PTPRD: variants seen among roughly 807,000 people sequenced by gnomAD.
The protein encoded by PTPRD is protein tyrosine phosphatase receptor type D, also known as receptor-type tyrosine-protein phosphatase delta.
PTPRD carries 34 observed loss-of-function variants against 214.5 expected under a neutral mutation model. The observed-to-expected ratio is 0.16, with a 90% CI of 0.12 to 0.21. The LOEUF (loss-of-function observed/expected upper bound fraction) is 0.21, where lower values mean the gene tolerates loss of function less well. Among genes scored for constraint, PTPRD ranks in the 10% least tolerant of loss-of-function variants. The pLI is 1.00. For missense variants in PTPRD, 2,545 were observed against 2,398.7 expected (o/e 1.06, Z -1.27); for synonymous variants, 1,128 against 845.7 (o/e 1.33, Z -5.79).
At chr9:9,409,118 T>C (rs2074522573) in intron 8 of PTPRD, among the ~76,000 whole-genome samples, 1 of 152,002 alleles carries the variant, frequency 6.6e-6, no homozygotes, top group African/African-American at 2.4e-5. Context: ...AATATTCTCA[T>C]ATTATGCTTT....
At position 9,966,452 on chromosome 9, in the gene PTPRD, A is replaced by G. The variant is rs1372270062; in HGVS notation, c.-471-27842T>C. On this transcript the variant is annotated intron_variant, in intron 4 of 45. Coordinates refer to ENST00000381196, the MANE Select transcript of PTPRD (RefSeq NM_002839.4). ...AGCAAGGAGGTACCTTATCAGTAAAAGCTCTTGCTTCCATTGTAGAGCTAA... is the reference window on the plus strand; with the variant it reads ...AGCAAGGAGGTACCTTATCAGTAAAGGCTCTTGCTTCCATTGTAGAGCTAA... Among the ~76,000 whole-genome samples, 3 of 152,152 alleles carry G rather than the reference A, an allele frequency of 2.0e-5. No individual in the cohort carries two copies. The South Asian group carries it at 6.2e-4, about 32-fold the overall frequency.
chr9:10,394,174 A>G (rs889501315), intron 2 of PTPRD, among the ~76,000 whole-genome samples: 33 of 145,314 alleles, frequency 2.3e-4, no homozygotes, highest in African/African-American at 8.2e-4. Flanking sequence ...ATATACATAT[A>G]TATCTATATA....
chr9:9,413,100 CTTTTTTTTTTT>C (rs5896325), intron 8 of PTPRD, among the ~76,000 whole-genome samples: 4 of 63,026 alleles, frequency 6.3e-5, no homozygotes, highest in Admixed American at 3.0e-4. Context: ...CTTGCAGCTT[CTTTTTTTTTTT>C]TTTTTTTTTT....
intron 4 of PTPRD, among the ~76,000 whole-genome samples, chr9:10,004,351 A>T (rs2096415450): frequency 6.6e-6 from 1 of 151,980 alleles, no homozygotes; most frequent in Non-Finnish European, 1.5e-5. Flanking sequence ...AGTCATTTCA[A>T]AAAACTATTT....
At chr9:8,900,714 A>T (rs1048764456) in intron 11 of PTPRD, among the ~76,000 whole-genome samples, 2 of 152,202 alleles carry the variant, frequency 1.3e-5, no homozygotes, top group Non-Finnish European at 2.9e-5. Context: ...GCTGAGAAAG[A>T]CAGTCTTGTT....
chr9:8,811,629 CT>C (rs575790950), intron 11 of PTPRD, among the ~76,000 whole-genome samples: 99 of 148,484 alleles, frequency 6.7e-4, no homozygotes, highest in African/African-American at 1.2e-3. Context: ...CAAAGATGAA[CT>C]TTTTTTTTTT....
At chr9:9,651,291 A>G (rs1302061738) in intron 7 of PTPRD, among the ~76,000 whole-genome samples, 1 of 152,284 alleles carries the variant, frequency 6.6e-6, no homozygotes, top group East Asian at 1.9e-4. Context: ...TTTGTTACAT[A>G]GGCAAACTTG....
chr9:10,409,398 G>A (rs969595000), intron 2 of PTPRD, among the ~76,000 whole-genome samples: 2 of 151,470 alleles, frequency 1.3e-5, no homozygotes, highest in Non-Finnish European at 3.0e-5. Context: ...TCATATTATG[G>A]TCATACTAAT....
At chr9:9,048,949 C>A (rs1047227234) in intron 10 of PTPRD, among the ~76,000 whole-genome samples, 1 of 151,978 alleles carries the variant, frequency 6.6e-6, no homozygotes, top group African/African-American at 2.4e-5. Context: ...CTACTATGTA[C>A]CCAGAAAATT....
intron 14 of PTPRD, among the ~76,000 whole-genome samples, chr9:8,587,048 G>A (rs1315289398): frequency 6.6e-6 from 1 of 152,124 alleles, no homozygotes; most frequent in African/African-American, 2.4e-5. Flanking sequence ...TACTCGGGAG[G>A]CTGAGGCAGG....
At chr9:9,586,310 T>C (rs2091943703) in intron 7 of PTPRD, among the ~76,000 whole-genome samples, 1 of 152,032 alleles carries the variant, frequency 6.6e-6, no homozygotes, top group African/African-American at 2.4e-5. Flanking sequence ...AAGAAGAGTA[T>C]AATGTTTGAC....
At chr9:8,648,493 T>C (rs1443371310) in intron 12 of PTPRD, among the ~76,000 whole-genome samples, 1 of 152,236 alleles carries the variant, frequency 6.6e-6, no homozygotes, top group Non-Finnish European at 1.5e-5. Flanking sequence ...CCTTATGCCA[T>C]AGTCATGCAT....
chr9:8,934,291 C>G (rs1051974224), intron 11 of PTPRD, among the ~76,000 whole-genome samples: 5 of 148,850 alleles, frequency 3.4e-5, no homozygotes, highest in African/African-American at 1.2e-4. Flanking sequence ...AAATTCAGTT[C>G]CAACTTGAAC....
rs775281391 is a variant in PTPRD at position 8,517,869 on chromosome 9, G to C, written c.1522C>G (p.Gln508Glu). 6.8e-6 allele frequency: 11 copies of C among 1,613,572 alleles called. No individual in the cohort carries two copies. The African/African-American group carries it at 9.3e-5, about 14-fold the overall frequency. The change falls in exon 21 of 46, where the codon CAA becomes GAA. Residue 508 changes from glutamine to glutamate, a missense_variant. Transcript: ENST00000381196. ...IGDGPLSSDI[Q>E]VITQTGVPGQ... ...TTACCTCCTGTCTGAGTGATGACTT[G>C]TATGTCACTTGAAAGGGGACCATCT...
At chr9:8,346,807 G>A (rs1248508393) in intron 39 of PTPRD, among the ~76,000 whole-genome samples, 1 of 152,140 alleles carries the variant, frequency 6.6e-6, no homozygotes, top group Admixed American at 6.6e-5. Context: ...GAAAGAAAGA[G>A]AAATCGTATG....
At chr9:9,661,696 G>A (rs2154380336) in intron 7 of PTPRD, among the ~76,000 whole-genome samples, 1 of 151,854 alleles carries the variant, frequency 6.6e-6, no homozygotes, top group South Asian at 2.1e-4. Flanking sequence ...CACTAGGTTT[G>A]ACATACAACA....
intron 3 of PTPRD, among the ~76,000 whole-genome samples, chr9:10,216,335 A>G (rs1459318363): frequency 6.6e-6 from 1 of 151,772 alleles, no homozygotes; most frequent in Non-Finnish European, 1.5e-5. Context: ...AAAAATATTG[A>G]TATTCTATTT....
intron 3 of PTPRD, among the ~76,000 whole-genome samples, chr9:10,085,967 A>C (rs1261716117): frequency 6.6e-6 from 1 of 151,794 alleles, no homozygotes; most frequent in Non-Finnish European, 1.5e-5. Flanking sequence ...AACAACATAA[A>C]ATCCTAGCAG....
intron 14 of PTPRD, among the ~76,000 whole-genome samples, chr9:8,551,178 C>T (rs1255595260): frequency 6.6e-6 from 1 of 152,090 alleles, no homozygotes; most frequent in African/African-American, 2.4e-5. Flanking sequence ...ACTGGTAATC[C>T]CTTCCTTAAG....
Sources: allele counts gnomAD v4.1 joint callset (sites outside exome capture counted in the v4.1 genomes callset), GRCh38; gene constraint gnomAD v4.1.1; transcripts MANE v1.5; gene names NCBI Gene and HGNC (gene_info 2026-07-23, HGNC 2026-07-21).